ACADM: variants seen among roughly 807,000 people sequenced by gnomAD.
The protein encoded by ACADM is medium-chain specific acyl-CoA dehydrogenase, mitochondrial.
A neutral mutation model predicts 58.9 loss-of-function variants in ACADM; 49 were observed. The observed-to-expected ratio is 0.83, with a 90% CI of 0.66 to 1.06. The LOEUF is 1.06. Ranked by LOEUF, ACADM falls within the 50% of genes least tolerant of loss-of-function variation. The probability of loss-of-function intolerance (pLI) is 0.00; values close to 1 mark genes in which losing one functional copy is unlikely to be tolerated. For missense variants in ACADM, 496 were observed against 507.0 expected, an observed-to-expected ratio of 0.98 and a Z score of 0.21; for synonymous variants, 160 against 157.7, an observed-to-expected ratio of 1.01 and a Z score of -0.11.
At chr1:75,762,608 C>A in intron 11 of ACADM, 84 bp from the exon 12 acceptor site, 1 of 872,818 alleles carries the variant, frequency 1.1e-6, no homozygotes, top group Non-Finnish European at 1.9e-6. Flanking sequence ...TACAACACAG[C>A]TTATGCTACT....
chr1:75,739,631 C>T (rs999399879), intron 6 of ACADM, among the ~76,000 whole-genome samples: 1 of 152,006 alleles, frequency 6.6e-6, no homozygotes, highest in African/African-American at 2.4e-5. Context: ...AGTGAGATGC[C>T]ATGTCTACAA....
At position 75,749,525 on chromosome 1, in the gene ACADM, T is replaced by G. The variant is rs140680593; in HGVS notation, c.815T>G (p.Val272Gly). 1.2e-6 allele frequency: 2 copies of G among 1,613,980 alleles called. No individual in the cohort carries two copies. Among genetic ancestry groups the G allele is most frequent in the Non-Finnish European group, 1.7e-6 (2 of 1,179,994 alleles). Residue 272 changes from valine to glycine, a missense_variant, in exon 9 of 12, where the codon GTT (valine) becomes GGT (glycine). Coordinates refer to ENST00000370841, the MANE Select transcript of ACADM (RefSeq NM_000016.6). ...VLIGDGAGFK[V>G]AMGAFDKTRP... Reference sequence around the variant, plus strand: ...ATTGGTGACGGAGCTGGTTTCAAAGTTGCAATGGGAGCTTTTGATAAAACC... The same window carrying G: ...ATTGGTGACGGAGCTGGTTTCAAAGGTGCAATGGGAGCTTTTGATAAAACC...
In ACADM at chr1:75,724,802, C is replaced by T; in HGVS notation, c.15C>T (p.Phe5=). The T allele has an allele frequency of 2.6e-6, 4 of 1,520,364 alleles. No homozygotes were observed. Among genetic ancestry groups the T allele is most frequent in the Non-Finnish European group, 1.8e-6 (2 of 1,131,618 alleles). The allele number at this position is 1,520,364 out of a possible 1,614,324, so 94.2% of individuals were successfully genotyped here. A position where few individuals can be genotyped will look rare whatever the true frequency, so the allele number is the denominator to read the frequency against. ...CGGGAGCCAACATGGCAGCGGGGTTCGGGCGATGCTGCAGGGTGAGAGGGA... is the reference window on the plus strand; with the variant it reads ...CGGGAGCCAACATGGCAGCGGGGTTTGGGCGATGCTGCAGGGTGAGAGGGA... MAAG[F]GRCCRVLRSI... The change falls in exon 1 of 12, where the codon TTC becomes TTT. Residue 5 remains phenylalanine (F), a synonymous_variant. Transcript: ENST00000370841.
chr1:75,727,421 A>G (rs891721836), intron 1 of ACADM, among the ~76,000 whole-genome samples: 1 of 152,234 alleles, frequency 6.6e-6, no homozygotes, highest in African/African-American at 2.4e-5. Context: ...GGATAGTTCA[A>G]TTAAAATCTT....
At chr1:75,746,671 T>A (rs1211686204) in intron 8 of ACADM, among the ~76,000 whole-genome samples, 1 of 150,722 alleles carries the variant, frequency 6.6e-6, no homozygotes, top group Non-Finnish European at 1.5e-5. Context: ...GGATCTCAGC[T>A]CACTGCAACC....
At chr1:75,751,957 C>A (rs1203832805) in intron 10 of ACADM, among the ~76,000 whole-genome samples, 1 of 151,300 alleles carries the variant, frequency 6.6e-6, no homozygotes, top group Non-Finnish European at 1.5e-5. Context: ...TTCTTTCCTG[C>A]AACTCACTAT....
intron 10 of ACADM, among the ~76,000 whole-genome samples, chr1:75,752,669 C>T (rs1020165302): frequency 5.9e-5 from 9 of 151,862 alleles, no homozygotes; most frequent in Non-Finnish European, 8.8e-5. Context: ...AACATCATAC[C>T]GCCTTTTCCT....
Position 75,759,595 on chromosome 1 carries a change from T to C in ACADM, c.946-1527T>C, listed in dbSNP as rs112128714. The stretch of plus-strand genomic sequence containing the variant: ...TCTAAGAAGCATCTTTTAGTTGTCC[T>C]TTCCTCTGTCTTGGTATCTGATACA... On this transcript the variant is annotated intron_variant, in intron 10 of 11. Coordinates refer to ENST00000370841, the MANE Select transcript of ACADM (RefSeq NM_000016.6). 8.0e-3 allele frequency among the ~76,000 whole-genome samples: 1,213 copies of C among 152,132 alleles called. 17 individuals are homozygous for C. The highest frequency in any genetic ancestry group is 0.028 in the African/African-American group (1,149 of 41,482).
At chr1:75,732,788 C>G in intron 3 of ACADM, 47 bp downstream of exon 3, 2 of 1,602,736 alleles carry the variant, frequency 1.2e-6, no homozygotes, top group Non-Finnish European at 1.7e-6. Flanking sequence ...ACATTTTTTA[C>G]AAGATTATGT....
chr1:75,754,396 G>A (rs1004054104), intron 10 of ACADM, among the ~76,000 whole-genome samples: 4 of 151,570 alleles, frequency 2.6e-5, no homozygotes, highest in Non-Finnish European at 5.9e-5. Context: ...ACTTTTAGTA[G>A]AGATGAGGTT....
At chr1:75,759,159 C>G (rs533926403) in intron 10 of ACADM, among the ~76,000 whole-genome samples, 3 of 152,212 alleles carry the variant, frequency 2.0e-5, no homozygotes, top group Non-Finnish European at 4.4e-5. Flanking sequence ...TGGCTTCATT[C>G]TTGAAGTCAG....
intron 10 of ACADM, among the ~76,000 whole-genome samples, chr1:75,760,638 G>A (rs55904060): frequency 7.1e-6 from 1 of 139,910 alleles, no homozygotes; most frequent in Non-Finnish European, 1.5e-5. Flanking sequence ...ACATTCTTCA[G>A]AAGTGCAAAG....
Position 75,749,427 on chromosome 1 carries a change from C to G in ACADM, c.717C>G (p.Asn239Lys), listed in dbSNP as rs1348176225. Residue 239 changes from asparagine to lysine, a missense_variant, in exon 9 of 12, where the codon AAC becomes AAG. Asn to Lys is a moderately conservative substitution (Grantham distance 94). Coordinates refer to ENST00000370841, the MANE Select transcript of ACADM (RefSeq NM_000016.6). ...PGIQIGRKEL[N>K]MGQRCSDTRG... ...ATCAATTTTCTTATTAGGAATTAAA[C>G]ATGGGCCAGCGATGTTCAGATACTA... The G allele has an allele frequency of 6.2e-7, 1 of 1,613,610 alleles. No homozygotes were observed. Among genetic ancestry groups the G allele is most frequent in the Non-Finnish European group, 8.5e-7 (1 of 1,179,864 alleles).
rs200902176 is a variant in ACADM at position 75,761,159 on chromosome 1, T to C, written c.983T>C (p.Met328Thr). ...AISFMLAEMA[M>T]KVELARMSYQ... The stretch of plus-strand genomic sequence containing the variant: ...TCATTTATGCTGGCTGAAATGGCAA[T>C]GAAAGTTGAACTAGCTAGAATGAGT... Residue 328 changes from methionine to threonine, a missense_variant, in exon 11 of 12, where the codon ATG becomes ACG. Transcript: ENST00000370841. The C allele has an allele frequency of 3.7e-6, 6 of 1,614,096 alleles. No individual in the cohort carries two copies. In the African/African-American group the frequency reaches 6.7e-5, roughly 18 times the overall value.
In ACADM at chr1:75,740,078, G is replaced by A; in HGVS notation, c.567G>A (p.Lys189=). The A allele has an allele frequency of 6.2e-7, 1 of 1,612,622 alleles. No homozygotes were observed. Among genetic ancestry groups the A allele is most frequent in the Non-Finnish European group, 8.5e-7 (1 of 1,179,036 alleles). ...KGDEYIINGQ[K]MWITNGGKAN... ...ATGAGTATATTATTAATGGTCAGAA[G>A]ATGTGGATAACCAACGGAGGAAAAG... The change falls in exon 7 of 12, where the codon AAG becomes AAA. Residue 189 remains lysine (K), a synonymous_variant. Coordinates refer to ENST00000370841, the MANE Select transcript of ACADM (RefSeq NM_000016.6).
chr1:75,750,808 G>A lies in ACADM; in HGVS notation c.945+262G>A, dbSNP rs112153756. On this transcript the variant is annotated intron_variant, in intron 10 of 11. Coordinates refer to ENST00000370841, the MANE Select transcript of ACADM (RefSeq NM_000016.6). ...CTGTTGCTCAGGCTAGAGTGCAGTG[G>A]CACAATCTCGGTTCACCACAGTCTC... The A allele has an allele frequency of 2.7e-3, 1,298 of 485,298 alleles. 10 individuals are homozygous for A. The highest frequency in any genetic ancestry group is 0.023 in the African/African-American group (1,168 of 50,632). The allele number at this position is 485,298 out of a possible 1,614,324, so 30.1% of individuals were successfully genotyped here.
chr1:75,740,178 C>A, intron 7 of ACADM, 68 bp downstream of exon 7: 1 of 1,479,654 alleles, frequency 6.8e-7, no homozygotes, highest in Non-Finnish European at 9.3e-7. Flanking sequence ...CTCTTTCTTT[C>A]TGTATATTTT....
chr1:75,743,733 A>G (rs1177368107), intron 7 of ACADM: 24 of 1,532,564 alleles, frequency 1.6e-5, no homozygotes, highest in Non-Finnish European at 2.2e-5. Context: ...CTCCCAGTTC[A>G]GTGATGGTCT....
Position 75,732,742 on chromosome 1 carries a change from G to T in ACADM, c.216+1G>T, listed in dbSNP as rs1057516801. 6.2e-7 allele frequency: 1 copy of T among 1,612,456 alleles called. No individual in the cohort carries two copies. The highest frequency in any genetic ancestry group is 8.5e-7 in the Non-Finnish European group (1 of 1,178,498). On this transcript the variant is annotated splice_donor_variant, in intron 3 of 11. Coordinates refer to ENST00000370841, the MANE Select transcript of ACADM (RefSeq NM_000016.6). LOFTEE classifies it high-confidence loss of function. ...TGCAGAATATGATAAAACTGGTGAA[G>T]TAGGTATATACATTTTAAAGAGGGA...
Sources: allele counts gnomAD v4.1 joint callset (sites outside exome capture counted in the v4.1 genomes callset), GRCh38; gene constraint gnomAD v4.1.1; transcripts MANE v1.5; gene names NCBI Gene and HGNC (gene_info 2026-07-23, HGNC 2026-07-21).